ZNF430: variants seen among roughly 807,000 people sequenced by gnomAD.
ZNF430 encodes zinc finger protein 430.
In ZNF430, 35 loss-of-function variants were observed where a neutral mutation model predicts 56.7. The observed-to-expected ratio is 0.62, with a 90% CI of 0.47 to 0.82. The LOEUF (loss-of-function observed/expected upper bound fraction) is 0.82. ZNF430 is among the 40% of genes least tolerant of loss of function. ZNF430 has a pLI of 0.00. For synonymous variants in ZNF430, 212 were observed against 224.3 expected, an observed-to-expected ratio of 0.94 and a Z score of 0.49; for missense variants, 574 against 661.0, an observed-to-expected ratio of 0.87 and a Z score of 1.44.
intron 4 of ZNF430, among the ~76,000 whole-genome samples, chr19:21,050,944 C>G (rs138029563): frequency 0.059 from 8,982 of 152,116 alleles, 654 homozygotes; most frequent in African/African-American, 0.18. Context: ...AGGAGAATCA[C>G]TTGAACCCGG....
intron 4 of ZNF430, among the ~76,000 whole-genome samples, chr19:21,054,764 T>C (rs1385905998): frequency 1.5e-5 from 2 of 132,820 alleles, no homozygotes; most frequent in Non-Finnish European, 3.1e-5. Context: ...AAGCTCCGCC[T>C]CCCCGGTTCA....
chr19:21,050,489 T>A (rs1179211808), intron 4 of ZNF430, among the ~76,000 whole-genome samples: 2 of 152,206 alleles, frequency 1.3e-5, no homozygotes, highest in African/African-American at 4.8e-5. Context: ...TCTCTCTGTA[T>A]TTTTTATGAC....
chr19:21,029,929 C>T (rs189274782), intron 2 of ZNF430, among the ~76,000 whole-genome samples: 337 of 151,330 alleles, frequency 2.2e-3, no homozygotes, highest in African/African-American at 7.7e-3. Context: ...TGTGCCACTG[C>T]ACTCCAGCCT....
intron 4 of ZNF430, among the ~76,000 whole-genome samples, chr19:21,037,652 T>C (rs1249632897): frequency 6.6e-6 from 1 of 152,204 alleles, no homozygotes; most frequent in Non-Finnish European, 1.5e-5. Flanking sequence ...TGAGAAACAT[T>C]TATAACATTT....
At chr19:21,043,991 G>T (rs1281603656) in intron 4 of ZNF430, among the ~76,000 whole-genome samples, 1 of 150,032 alleles carries the variant, frequency 6.7e-6, no homozygotes, top group Non-Finnish European at 1.5e-5. Context: ...AGAAGCTTTT[G>T]GGCTGACATT....
chr19:21,027,971 G>A (rs552474503), intron 2 of ZNF430, among the ~76,000 whole-genome samples: 29 of 152,246 alleles, frequency 1.9e-4, no homozygotes, highest in Admixed American at 3.9e-4. Flanking sequence ...GTCATATCAC[G>A]TAGAATGAGC....
chr19:21,020,926 GCCCAGCTGGGCCTCAGTCC>G, intron 1 of ZNF430, 123 bp downstream of exon 1: 9 of 1,362,958 alleles, frequency 6.6e-6, no homozygotes, highest in African/African-American at 5.7e-5. Flanking sequence ...CCGAGTTCTT[GCCCAGCTGGGCCTCAGTCC>G]CCATCAGCCT....
Position 21,022,829 on chromosome 19 carries a change from G to A in ZNF430, c.44G>A (p.Ser15Asn). ...GGAGTGTATCCTCTCAAGGAAGCAA[G>A]TGGATGCCCTGGGGCTGACAGGAAT... is the stretch of plus-strand genomic sequence containing the variant. ...KSGVYPLKEA[S>N]GCPGADRNLL... is the part of the protein sequence containing the mutation. Residue 15 changes from serine to asparagine, a missense_variant, in exon 2 of 5, where the codon AGT becomes AAT. Physicochemically the swap from Ser to Asn is conservative, Grantham distance 46. Coordinates refer to ENST00000261560, the MANE Select transcript of ZNF430 (RefSeq NM_025189.4). The A allele has an allele frequency of 6.2e-7, 1 of 1,614,042 alleles. No individual in the cohort carries two copies. Among genetic ancestry groups the A allele is most frequent in the Non-Finnish European group, 8.5e-7 (1 of 1,179,920 alleles).
chr19:21,054,616 A>G (rs542829628), intron 4 of ZNF430, among the ~76,000 whole-genome samples: 1 of 150,952 alleles, frequency 6.6e-6, no homozygotes, highest in African/African-American at 2.4e-5. Context: ...TGTTTGTTAT[A>G]AATATCTTTG....
chr19:21,049,662 C>CTGCAACATTTCTTGTTACATTTCA (rs1568591301), intron 4 of ZNF430: 5 of 23,040 alleles, frequency 2.2e-4, no homozygotes, highest in East Asian at 1.6e-3. Flanking sequence ...GTTACGTTTC[C>CTGCAACATTTCTTGTTACATTTCA]TGCAACATTT....
intron 1 of ZNF430, among the ~76,000 whole-genome samples, chr19:21,021,072 CT>C (rs1383600271): frequency 1.3e-5 from 2 of 152,156 alleles, no homozygotes; most frequent in Non-Finnish European, 2.9e-5. Flanking sequence ...AGCGCCGCGT[CT>C]CTCCCAGACT....
intron 4 of ZNF430, among the ~76,000 whole-genome samples, chr19:21,055,734 A>G (rs1163589358): frequency 6.6e-6 from 1 of 152,120 alleles, no homozygotes; most frequent in African/African-American, 2.4e-5. Context: ...AATTACAGGC[A>G]TGAACCACCA....
chr19:21,053,892 TTTAC>T (rs1233821184), intron 4 of ZNF430, among the ~76,000 whole-genome samples: 2 of 152,180 alleles, frequency 1.3e-5, no homozygotes, highest in African/African-American at 4.8e-5. Context: ...TTGATATACT[TTTAC>T]TTCTTTCTTA....
At chr19:21,035,326 TTCTC>T (rs1204529727) in intron 4 of ZNF430, 1 of 152,224 alleles carries the variant, frequency 6.6e-6, no homozygotes, top group Non-Finnish European at 1.5e-5. Flanking sequence ...ATTGTTTTCT[TTCTC>T]TGTTAAAGTG....
intron 2 of ZNF430, among the ~76,000 whole-genome samples, chr19:21,025,583 A>G (rs532181798): frequency 2.0e-4 from 29 of 148,666 alleles, no homozygotes; most frequent in African/African-American, 6.9e-4. Context: ...CACCTCTGAC[A>G]TTTCTCCTTT....
At chr19:21,041,482 G>C (rs57505697) in intron 4 of ZNF430, among the ~76,000 whole-genome samples, 4,789 of 152,162 alleles carry the variant, frequency 0.031, 238 homozygotes, top group African/African-American at 0.11. Context: ...ACTATTACCA[G>C]TTTCATTGTT....
In ZNF430 at chr19:21,057,978, T is replaced by G; in HGVS notation, c.1670T>G (p.Ile557Ser). 2.5e-6 allele frequency: 4 copies of G among 1,605,776 alleles called. No homozygotes were observed. The highest frequency in any genetic ancestry group is 3.4e-6 in the Non-Finnish European group (4 of 1,176,984). ...GKAFNQSSNL[I>S]EQSNSYWRET... is the part of the protein sequence containing the mutation. ...GCTTTCAACCAGTCCTCAAACCTTA[T>G]TGAACAAAGTAATTCATACTGGAGA... The change falls in exon 5 of 5, where the codon ATT becomes AGT. Residue 557 changes from isoleucine (I) to serine (S), a missense_variant. Physicochemically the swap from Ile to Ser is moderately radical, Grantham distance 142. Transcript: ENST00000261560.
Position 21,027,932 on chromosome 19 carries a change from A to G in ZNF430, c.96+5051A>G, listed in dbSNP as rs148207796. On this transcript the variant is annotated intron_variant, in intron 2 of 4. Transcript: ENST00000261560. ...TTGGCCCAAATAAACTCTTATATTC[A>G]TGTTGCCTCAGCTTTTTCCTTTTAG... Among the ~76,000 whole-genome samples, 505 of 152,254 alleles carry G rather than the reference A, an allele frequency of 3.3e-3. 2 individuals are homozygous for G. Among genetic ancestry groups the G allele is most frequent in the African/African-American group, 0.011 (464 of 41,550 alleles).
Position 21,058,232 on chromosome 19 carries a change from G to A in ZNF430, c.*211G>A, listed in dbSNP as rs1382390925. 4 of 549,200 alleles carry A rather than the reference G, an allele frequency of 7.3e-6. No individual in the cohort carries two copies. Among genetic ancestry groups the A allele is most frequent in the Non-Finnish European group, 1.3e-5 (4 of 313,062 alleles). 34.0% of individuals were successfully genotyped at this position (549,200 alleles called of 1,614,324 possible). On this transcript the variant is annotated 3_prime_UTR_variant, in exon 5 of 5. Transcript: ENST00000261560. ...GGCTGAGACGGGTGAATTACATGAG[G>A]TTGGGAGTTCGAGACCAGCCTGACC... is the stretch of plus-strand genomic sequence containing the variant.
Sources: gnomAD v4.1 joint callset for allele counts (sites outside exome capture counted in the v4.1 genomes callset) on GRCh38, gnomAD v4.1.1 for gene constraint, MANE v1.5 for transcripts, NCBI Gene and HGNC (gene_info 2026-07-23, HGNC 2026-07-21) for gene names.